Variants in SLC39A11 observed in about 807,000 individuals in gnomAD.
SLC39A11 encodes solute carrier family 39 member 11.
SLC39A11 carries 33 observed loss-of-function variants against 36.1 expected under a neutral mutation model. The observed-to-expected ratio is 0.91, with a 90% CI of 0.69 to 1.22. The LOEUF is 1.22. Ranked by LOEUF, SLC39A11 falls within the 50% of genes most tolerant of loss-of-function variation. SLC39A11 has a pLI of 0.00. For synonymous variants in SLC39A11, 166 were observed against 170.3 expected, an observed-to-expected ratio of 0.97 and a Z score of 0.20; for missense variants, 432 against 430.3, an observed-to-expected ratio of 1.00 and a Z score of -0.03.
chr17:73,080,996 G>C (rs2060491800), intron 3 of SLC39A11, among the ~76,000 whole-genome samples: 1 of 147,388 alleles, frequency 6.8e-6, no homozygotes, highest in South Asian at 2.1e-4. Flanking sequence ...ATAATAAAAA[G>C]CTTCTTCACA....
intron 6 of SLC39A11, among the ~76,000 whole-genome samples, chr17:72,827,808 T>C (rs989514324): frequency 1.3e-5 from 2 of 152,182 alleles, no homozygotes; most frequent in Admixed American, 1.3e-4. Context: ...TCCATGATGA[T>C]GAGGAAAGAC....
At chr17:73,004,029 T>C (rs1369649086) in intron 4 of SLC39A11, among the ~76,000 whole-genome samples, 1 of 149,152 alleles carries the variant, frequency 6.7e-6, no homozygotes, top group Non-Finnish European at 1.5e-5. Context: ...GAGGTTGCAG[T>C]AAGCCAAGAT....
intron 6 of SLC39A11, among the ~76,000 whole-genome samples, chr17:72,814,040 C>A (rs747410144): frequency 2.0e-4 from 31 of 152,142 alleles, no homozygotes; most frequent in Non-Finnish European, 4.4e-4. Context: ...GTTGACATTA[C>A]CCTCTCATTC....
chr17:72,729,405 TTATATATA>T (rs1162603035), intron 7 of SLC39A11, among the ~76,000 whole-genome samples: 42 of 29,196 alleles, frequency 1.4e-3, no homozygotes, highest in Admixed American at 2.4e-3. Flanking sequence ...ACCTGGCTAT[TTATATATA>T]TATATATATA....
intron 6 of SLC39A11, among the ~76,000 whole-genome samples, chr17:72,818,282 A>G (rs1448780168): frequency 6.6e-6 from 1 of 152,182 alleles, no homozygotes; most frequent in Non-Finnish European, 1.5e-5. Context: ...CTTAGTTTCC[A>G]GTCCAGCCTG....
chr17:72,771,444 G>A (rs2075939935), intron 6 of SLC39A11, among the ~76,000 whole-genome samples: 1 of 152,102 alleles, frequency 6.6e-6, no homozygotes, highest in African/African-American at 2.4e-5. Flanking sequence ...GTCACTTCGT[G>A]CCTCGTGTTC....
intron 4 of SLC39A11, among the ~76,000 whole-genome samples, chr17:73,001,674 A>C (rs1470138275): frequency 1.3e-5 from 2 of 152,342 alleles, no homozygotes; most frequent in Admixed American, 6.5e-5. Context: ...GTCAAGATGT[A>C]AAGTCTCAGA....
intron 2 of SLC39A11, among the ~76,000 whole-genome samples, chr17:73,087,845 G>C (rs996964772): frequency 6.6e-6 from 1 of 152,002 alleles, no homozygotes; most frequent in African/African-American, 2.4e-5. Flanking sequence ...AAGGGGAAAG[G>C]AAACAACCTG....
intron 4 of SLC39A11, among the ~76,000 whole-genome samples, chr17:72,982,793 AC>A (rs1319650286): frequency 6.6e-6 from 1 of 152,214 alleles, no homozygotes; most frequent in Non-Finnish European, 1.5e-5. Context: ...CATTAAAATT[AC>A]ATAACATTTG....
chr17:72,693,765 C>T (rs911968008), intron 7 of SLC39A11, among the ~76,000 whole-genome samples: 6 of 152,108 alleles, frequency 3.9e-5, no homozygotes, highest in African/African-American at 9.7e-5. Context: ...CAGATTCAAG[C>T]GATTCTCCTG....
At chr17:72,760,550 C>A (rs751714139) in intron 6 of SLC39A11, among the ~76,000 whole-genome samples, 5 of 152,218 alleles carry the variant, frequency 3.3e-5, no homozygotes, top group South Asian at 2.1e-4. Context: ...ACACCACCTA[C>A]ACACCCCATC....
At chr17:72,726,464 T>C (rs144429083) in intron 7 of SLC39A11, among the ~76,000 whole-genome samples, 1 of 152,202 alleles carries the variant, frequency 6.6e-6, no homozygotes, top group African/African-American at 2.4e-5. Context: ...CAAGCTATGA[T>C]TGTGCCACTG....
At chr17:72,752,478 C>T (rs2075194269) in intron 6 of SLC39A11, among the ~76,000 whole-genome samples, 1 of 152,174 alleles carries the variant, frequency 6.6e-6, no homozygotes. Context: ...CTCCTGACCT[C>T]AGGTGATCTG....
chr17:72,853,632 G>A (rs890418513), intron 5 of SLC39A11, among the ~76,000 whole-genome samples: 2 of 152,108 alleles, frequency 1.3e-5, no homozygotes, highest in African/African-American at 4.8e-5. Context: ...TGTGAAAACT[G>A]ACGTCAGTGC....
chr17:73,009,044 A>G (rs1349473075), intron 4 of SLC39A11, among the ~76,000 whole-genome samples: 6 of 134,764 alleles, frequency 4.5e-5, no homozygotes, highest in African/African-American at 1.7e-4. Context: ...CCTGGGTGAC[A>G]GAGAGACCTG....
intron 4 of SLC39A11, among the ~76,000 whole-genome samples, chr17:72,972,049 C>T (rs560482108): frequency 7.2e-4 from 109 of 152,262 alleles, no homozygotes; most frequent in African/African-American, 2.6e-3. Flanking sequence ...AAACCAAATA[C>T]TATTCTGGAA....
intron 5 of SLC39A11, among the ~76,000 whole-genome samples, chr17:72,851,678 C>T (rs2079335632): frequency 6.6e-6 from 1 of 152,156 alleles, no homozygotes; most frequent in African/African-American, 2.4e-5. Flanking sequence ...CAACCAATCA[C>T]AGGCAGCCAA....
At chr17:72,729,401 CTATT>C (rs1567994030) in intron 7 of SLC39A11, among the ~76,000 whole-genome samples, 4 of 62,348 alleles carry the variant, frequency 6.4e-5, no homozygotes, top group East Asian at 4.3e-4. Flanking sequence ...CCCCACCTGG[CTATT>C]TATATATATA....
rs551686928 is a variant in SLC39A11 at position 72,765,268 on chromosome 17, G to A, written c.602-28549C>T. Among the ~76,000 whole-genome samples the A allele has an allele frequency of 4.6e-5, 7 of 152,140 alleles. 1 individual carries two copies. The highest frequency in any genetic ancestry group is 2.0e-4 in the Admixed American group (3 of 15,284). On this transcript the variant is annotated intron_variant, in intron 6 of 9. Coordinates refer to ENST00000255559, the MANE Select transcript of SLC39A11 (RefSeq NM_139177.4). ...TGGACCCTTGACTCTTGACTCAATC[G>A]GTTCTGAAGCTCCCACCTAGCAGCA...
Sources: gnomAD v4.1 joint callset for allele counts (sites outside exome capture counted in the v4.1 genomes callset) on GRCh38, gnomAD v4.1.1 for gene constraint, MANE v1.5 for transcripts, NCBI Gene and HGNC (gene_info 2026-07-23, HGNC 2026-07-21) for gene names.